The following EHF variants were observed in gnomAD, a reference collection of about 807,000 sequenced individuals.
EHF encodes the protein ESE3 transcription factor.
In EHF, 14 loss-of-function variants were observed where a neutral mutation model predicts 45.1. The observed-to-expected ratio is 0.31, with a 90% CI of 0.21 to 0.49. The LOEUF (loss-of-function observed/expected upper bound fraction) is 0.49, where lower values mean the gene tolerates loss of function less well. Ranked by LOEUF, EHF falls within the 20% of genes least tolerant of loss-of-function variation. The pLI is 0.99. For synonymous variants in EHF, 136 were observed against 131.8 expected, an observed-to-expected ratio of 1.03 and a Z score of -0.22; for missense variants, 282 against 371.4, an observed-to-expected ratio of 0.76 and a Z score of 1.98.
At chr11:34,636,091 T>C (rs1408081448) in intron 1 of EHF, among the ~76,000 whole-genome samples, 1 of 152,202 alleles carries the variant, frequency 6.6e-6, no homozygotes, top group Admixed American at 6.5e-5. Flanking sequence ...GAAATGAACT[T>C]GGCTCTCAAT....
At chr11:34,639,076 G>A (rs543121848) in intron 1 of EHF, among the ~76,000 whole-genome samples, 5 of 152,186 alleles carry the variant, frequency 3.3e-5, no homozygotes, top group Admixed American at 2.6e-4. Context: ...ATACTCCCCC[G>A]CAACCCCCTC....
chr11:34,651,570 C>CGAGAACTAT lies in EHF; in HGVS notation c.436_444dup (p.Glu146_Tyr148dup). The CGAGAACTAT allele has an allele frequency of 6.2e-7, 1 of 1,613,892 alleles. No homozygotes were observed. The highest frequency in any genetic ancestry group is 1.1e-5 in the South Asian group (1 of 91,062). ...CTTCCATCATGAACACCTGGAAAGA[C>CGAGAACTAT]GAGAACTATTTATATGACACCAACT... On this transcript the variant is annotated inframe_insertion, in exon 5 of 9. Coordinates refer to ENST00000257831, the MANE Select transcript of EHF (RefSeq NM_012153.6).
At chr11:34,625,427 G>T (rs1852294565) in intron 1 of EHF, among the ~76,000 whole-genome samples, 1 of 152,136 alleles carries the variant, frequency 6.6e-6, no homozygotes, top group Non-Finnish European at 1.5e-5. Context: ...AGGCACTCGT[G>T]GTGTCTACTG....
At chr11:34,638,061 C>T (rs2134067400) in intron 1 of EHF, among the ~76,000 whole-genome samples, 1 of 152,178 alleles carries the variant, frequency 6.6e-6, no homozygotes, top group African/African-American at 2.4e-5. Context: ...ACCACCACAC[C>T]CAGCTAATTT....
Position 34,662,622 on chromosome 11 carries a change from G to A in EHF, c.*3691G>A, listed in dbSNP as rs1856158534. 6.6e-6 allele frequency among the ~76,000 whole-genome samples: 1 copy of A among 152,028 alleles called. No homozygotes were observed. Among genetic ancestry groups the A allele is most frequent in the Non-Finnish European group, 1.5e-5 (1 of 67,984 alleles). On this transcript the variant is annotated 3_prime_UTR_variant, in exon 9 of 9. Coordinates refer to ENST00000257831, the MANE Select transcript of EHF (RefSeq NM_012153.6). The stretch of plus-strand genomic sequence containing the variant: ...AAATACTGAGGGATCTTTTGATAAA[G>A]TTAGTAATGCATGTTAGATTTTAGT...
At chr11:34,656,072 AC>A in intron 6 of EHF, among the ~76,000 whole-genome samples, 1 of 151,962 alleles carries the variant, frequency 6.6e-6, no homozygotes, top group East Asian at 1.9e-4. Flanking sequence ...ACACACACAC[AC>A]ACACATATAC....
At chr11:34,653,654 T>C (rs1258505730) in intron 6 of EHF, among the ~76,000 whole-genome samples, 1 of 152,204 alleles carries the variant, frequency 6.6e-6, no homozygotes, top group East Asian at 1.9e-4. Context: ...ATTGGGGTAA[T>C]AGCCCTTCAG....
At chr11:34,650,387 A>G (rs1855028818) in intron 4 of EHF, among the ~76,000 whole-genome samples, 1 of 152,192 alleles carries the variant, frequency 6.6e-6, no homozygotes, top group Non-Finnish European at 1.5e-5. Flanking sequence ...CCCAACAAGG[A>G]GAGAGGGTGT....
At chr11:34,622,152 T>C (rs1852024976) in intron 1 of EHF, 1 of 222,370 alleles carries the variant, frequency 4.5e-6, no homozygotes, top group South Asian at 6.4e-5. Context: ...CTGGGAACAG[T>C]GGGAAATTAA....
intron 6 of EHF, among the ~76,000 whole-genome samples, chr11:34,653,532 C>T (rs10488739): frequency 0.19 from 28,472 of 152,078 alleles, 3,017 homozygotes; most frequent in East Asian, 0.33. Context: ...CCTTCTGATC[C>T]TTGTTTGCTG....
intron 6 of EHF, among the ~76,000 whole-genome samples, chr11:34,653,994 T>C (rs1199043290): frequency 6.6e-6 from 1 of 152,198 alleles, no homozygotes; most frequent in African/African-American, 2.4e-5. Context: ...CTCCAGCCTG[T>C]CATGCCAGCT....
At chr11:34,633,760 G>A (rs1227761120) in intron 1 of EHF, among the ~76,000 whole-genome samples, 1 of 152,102 alleles carries the variant, frequency 6.6e-6, no homozygotes, top group Non-Finnish European at 1.5e-5. Flanking sequence ...ATATCTGATG[G>A]GTTTGATAAA....
rs960283039 is a variant in EHF at position 34,632,633 on chromosome 11, T to C, written c.-3-9995T>C. 3.6e-5 allele frequency: 55 copies of C among 1,535,518 alleles called. No homozygotes were observed. Among genetic ancestry groups the C allele is most frequent in the Admixed American group, 5.9e-5 (3 of 50,978 alleles). ...AGAGGATTGGTCCTGCTTTTAAGCC[T>C]AGCTGAAATTCTTTTCAAGGTTGGT... is the stretch of plus-strand genomic sequence containing the variant. On this transcript the variant is annotated intron_variant, in intron 1 of 8. Coordinates refer to ENST00000257831, the MANE Select transcript of EHF (RefSeq NM_012153.6).
intron 1 of EHF, among the ~76,000 whole-genome samples, chr11:34,630,863 G>A (rs764739577): frequency 6.6e-6 from 1 of 152,000 alleles, no homozygotes; most frequent in Non-Finnish European, 1.5e-5. Flanking sequence ...CATTTCTGAG[G>A]CCCCACTGCC....
intron 1 of EHF, among the ~76,000 whole-genome samples, chr11:34,626,442 A>T (rs1453382): frequency 0.14 from 20,975 of 152,218 alleles, 2,696 homozygotes; most frequent in East Asian, 0.76. Context: ...AGGGCTGATG[A>T]TATATTCTGG....
intron 6 of EHF, among the ~76,000 whole-genome samples, chr11:34,654,178 A>G (rs1163222972): frequency 6.6e-6 from 1 of 152,206 alleles, no homozygotes; most frequent in Non-Finnish European, 1.5e-5. Flanking sequence ...ACGCTCTCTC[A>G]CTTGCATCAC....
intron 1 of EHF, among the ~76,000 whole-genome samples, chr11:34,635,969 A>G (rs986451146): frequency 6.6e-6 from 1 of 152,138 alleles, no homozygotes; most frequent in Non-Finnish European, 1.5e-5. Flanking sequence ...TCTACACAGC[A>G]GCTCTCGGAA....
chr11:34,643,065 G>A (rs1043264955), intron 2 of EHF, among the ~76,000 whole-genome samples: 2 of 144,940 alleles, frequency 1.4e-5, no homozygotes, highest in Non-Finnish European at 3.0e-5. Context: ...GGAGAGAAAG[G>A]GTATGTGTGT....
intron 1 of EHF, among the ~76,000 whole-genome samples, chr11:34,625,443 G>C (rs1482368391): frequency 1.3e-5 from 2 of 152,198 alleles, no homozygotes; most frequent in Non-Finnish European, 1.5e-5. Context: ...TACTGAGTTT[G>C]TATGGTACTG....
Sources: gnomAD v4.1 joint callset for allele counts (sites outside exome capture counted in the v4.1 genomes callset) on GRCh38, gnomAD v4.1.1 for gene constraint, MANE v1.5 for transcripts, NCBI Gene and HGNC (gene_info 2026-07-23, HGNC 2026-07-21) for gene names.